Variants in FRAS1 observed in about 807,000 individuals in gnomAD.
FRAS1 encodes Fraser extracellular matrix complex subunit 1, also known as extracellular matrix organizing protein FRAS1.
In FRAS1, 290 loss-of-function variants were observed where a neutral mutation model predicts 435.2. That is an observed-to-expected ratio of 0.67 (90% confidence interval 0.61 to 0.73). The LOEUF is 0.73. FRAS1 is among the 30% of genes least tolerant of loss of function. The pLI is 0.00. For missense variants in FRAS1, 4,860 were observed against 5,001.5 expected (o/e 0.97, Z 0.85); for synonymous variants, 1,800 against 1,851.0 (o/e 0.97, Z 0.71).
chr4:78,364,099 C>G, intron 22 of FRAS1, 45 bp downstream of exon 22: 1 of 1,541,112 alleles, frequency 6.5e-7, no homozygotes, highest in Non-Finnish European at 8.8e-7. Context: ...TCTTTTCCTG[C>G]CTTTCTGGAG....
chr4:78,512,601 A>G (rs1560420278), intron 64 of FRAS1, among the ~76,000 whole-genome samples: 1 of 152,248 alleles, frequency 6.6e-6, no homozygotes, highest in African/African-American at 2.4e-5. Context: ...ATTGTATACT[A>G]TGTGCCCTGG....
At chr4:78,192,180 T>A (rs1445046968) in intron 2 of FRAS1, among the ~76,000 whole-genome samples, 1 of 152,236 alleles carries the variant, frequency 6.6e-6, no homozygotes, top group Admixed American at 6.5e-5. Context: ...GGATTCAGTT[T>A]GCCAGTATTT....
At chr4:78,271,463 C>T (rs975197127) in intron 9 of FRAS1, among the ~76,000 whole-genome samples, 14 of 151,650 alleles carry the variant, frequency 9.2e-5, no homozygotes, top group East Asian at 1.9e-4. Context: ...ATCCCTCCCC[C>T]CTACCCCCAA....
intron 4 of FRAS1, among the ~76,000 whole-genome samples, chr4:78,247,456 G>A (rs1725295389): frequency 1.3e-5 from 2 of 151,932 alleles, no homozygotes; most frequent in South Asian, 2.1e-4. Context: ...TTTTTTTAAG[G>A]CGAGACAAAA....
chr4:78,272,887 T>C (rs1373316750), intron 9 of FRAS1, among the ~76,000 whole-genome samples: 2 of 152,240 alleles, frequency 1.3e-5, no homozygotes, highest in African/African-American at 4.8e-5. Flanking sequence ...GCATTGAATC[T>C]ATAAATTACC....
At chr4:78,255,401 G>T in intron 6 of FRAS1, 26 bp downstream of exon 6, 1 of 1,561,874 alleles carries the variant, frequency 6.4e-7, no homozygotes, top group South Asian at 1.2e-5. Flanking sequence ...TCAGCATGCA[G>T]CCTTCACGGG....
At chr4:78,244,583 T>C (rs1265237096) in intron 3 of FRAS1, among the ~76,000 whole-genome samples, 1 of 152,162 alleles carries the variant, frequency 6.6e-6, no homozygotes, top group Non-Finnish European at 1.5e-5. Flanking sequence ...ATGTGACACC[T>C]CCCCAGTAAA....
intron 68 of FRAS1, among the ~76,000 whole-genome samples, chr4:78,522,434 A>T (rs1721413029): frequency 6.6e-6 from 1 of 152,192 alleles, no homozygotes; most frequent in African/African-American, 2.4e-5. Flanking sequence ...AATACCTATG[A>T]CTATGATGAC....
At chr4:78,504,251 G>T (rs890044942) in intron 61 of FRAS1, among the ~76,000 whole-genome samples, 3 of 152,186 alleles carry the variant, frequency 2.0e-5, no homozygotes, top group Non-Finnish European at 2.9e-5. Context: ...GCAGAGCTAA[G>T]TTCAAGTCCT....
At chr4:78,084,602 A>C (rs1190215522) in intron 2 of FRAS1, among the ~76,000 whole-genome samples, 1 of 152,068 alleles carries the variant, frequency 6.6e-6, no homozygotes, top group Non-Finnish European at 1.5e-5. Flanking sequence ...GAACCTCTTT[A>C]AGTTTGCTGT....
chr4:78,115,806 GT>G (rs1405921966), intron 2 of FRAS1, among the ~76,000 whole-genome samples: 2 of 150,894 alleles, frequency 1.3e-5, no homozygotes, highest in African/African-American at 4.9e-5. Flanking sequence ...ATTTTTTGAA[GT>G]TTTTTTTGTG....
chr4:78,106,040 CG>C (rs1339085698), intron 2 of FRAS1, among the ~76,000 whole-genome samples: 1 of 132,082 alleles, frequency 7.6e-6, no homozygotes, highest in African/African-American at 2.9e-5. Context: ...CTTTTCAGAC[CG>C]GCTTAAGAAA....
chr4:78,312,186 A>ATG (rs930637095), intron 15 of FRAS1, among the ~76,000 whole-genome samples: 3 of 147,608 alleles, frequency 2.0e-5, no homozygotes, highest in African/African-American at 7.4e-5. Flanking sequence ...GTCCATATAT[A>ATG]TATATATATA....
At chr4:78,363,783 C>T in intron 21 of FRAS1, 118 bp downstream of exon 21, 1 of 1,425,056 alleles carries the variant, frequency 7.0e-7, no homozygotes, top group Non-Finnish European at 9.5e-7. Flanking sequence ...AAACCACTTC[C>T]ATGGGACTGT....
intron 14 of FRAS1, among the ~76,000 whole-genome samples, chr4:78,293,890 G>A (rs1475442054): frequency 6.6e-6 from 1 of 152,152 alleles, no homozygotes; most frequent in African/African-American, 2.4e-5. Context: ...TATGCCAGAA[G>A]ACAAATGACA....
At chr4:78,197,153 A>G (rs1055022304) in intron 2 of FRAS1, among the ~76,000 whole-genome samples, 17 of 152,136 alleles carry the variant, frequency 1.1e-4, no homozygotes, top group African/African-American at 3.9e-4. Context: ...TCATTTAACT[A>G]TAGTTATTTT....
intron 20 of FRAS1, among the ~76,000 whole-genome samples, chr4:78,362,425 G>A (rs181105189): frequency 8.1e-4 from 124 of 152,318 alleles, no homozygotes; most frequent in African/African-American, 2.9e-3. Flanking sequence ...TCAACCCCTT[G>A]TAGGAGAAAG....
At chr4:78,471,472 A>G (rs1450517072) in intron 51 of FRAS1, among the ~76,000 whole-genome samples, 3 of 151,888 alleles carry the variant, frequency 2.0e-5, no homozygotes, top group Non-Finnish European at 2.9e-5. Context: ...TCTCTTCTCA[A>G]TACTCTCCAA....
At chr4:78,133,720 A>C (rs1012763859) in intron 2 of FRAS1, among the ~76,000 whole-genome samples, 8 of 152,184 alleles carry the variant, frequency 5.3e-5, no homozygotes, top group Admixed American at 3.9e-4. Flanking sequence ...TAAGCAACGT[A>C]AACAAAATGA....
Sources: gnomAD v4.1 joint callset for allele counts (sites outside exome capture counted in the v4.1 genomes callset) on GRCh38, gnomAD v4.1.1 for gene constraint, MANE v1.5 for transcripts, NCBI Gene and HGNC (gene_info 2026-07-23, HGNC 2026-07-21) for gene names.